MICU1: variants seen among roughly 807,000 people sequenced by gnomAD.
The protein encoded by MICU1 is mitochondrial calcium uptake 1, also known as calcium uptake protein 1, mitochondrial.
A neutral mutation model predicts 56.8 loss-of-function variants in MICU1; 45 were observed. The ratio of observed to expected loss-of-function variants is 0.79; its 90% CI spans 0.62 to 1.02. The LOEUF (loss-of-function observed/expected upper bound fraction) is 1.02, where lower values mean the gene tolerates loss of function less well. Among genes scored for constraint, MICU1 ranks in the 50% least tolerant of loss-of-function variants. The pLI is 0.00. For synonymous variants in MICU1, 186 were observed against 195.1 expected (o/e 0.95, Z 0.39); for missense variants, 504 against 587.1 (o/e 0.86, Z 1.46).
chr10:72,460,975 G>A (rs1346904644), intron 8 of MICU1, among the ~76,000 whole-genome samples: 1 of 151,922 alleles, frequency 6.6e-6, no homozygotes, highest in Non-Finnish European at 1.5e-5. Context: ...GGCTATAAGA[G>A]GGATAAAAAT....
chr10:72,512,241 A>G (rs1278701805), intron 5 of MICU1, among the ~76,000 whole-genome samples: 1 of 150,642 alleles, frequency 6.6e-6, no homozygotes, highest in Non-Finnish European at 1.5e-5. Context: ...CCTCCCAAGT[A>G]GCGGGATTAC....
intron 8 of MICU1, among the ~76,000 whole-genome samples, chr10:72,447,059 T>C (rs1554872105): frequency 6.6e-6 from 1 of 152,166 alleles, no homozygotes; most frequent in Non-Finnish European, 1.5e-5. Flanking sequence ...AGAAGAGAAA[T>C]AAAAGAGATG....
intron 8 of MICU1, among the ~76,000 whole-genome samples, chr10:72,467,344 C>A (rs1161158332): frequency 6.6e-6 from 1 of 152,130 alleles, no homozygotes; most frequent in East Asian, 1.9e-4. Context: ...CCACCACACC[C>A]GGCTGATTTC....
intron 1 of MICU1, among the ~76,000 whole-genome samples, chr10:72,614,671 G>A (rs3009533): frequency 0.63 from 95,321 of 152,060 alleles, 31,399 homozygotes; most frequent in African/African-American, 0.72. Flanking sequence ...TCCAAAAAAG[G>A]CAAATACTTT....
At chr10:72,587,086 G>C (rs1375162079) in intron 1 of MICU1, among the ~76,000 whole-genome samples, 2 of 152,140 alleles carry the variant, frequency 1.3e-5, no homozygotes, top group Non-Finnish European at 2.9e-5. Context: ...GTGAGCAAAG[G>C]CAGACTGAGA....
chr10:72,405,156 G>A lies in MICU1; in HGVS notation c.1180+2773C>T, dbSNP rs530737744. ...ACTCCTGATCTCAGGTGATCTGCCC[G>A]TCTCAGCCTCCTAAAGTGTTAGGAT... is the stretch of plus-strand genomic sequence containing the variant. On this transcript the variant is annotated intron_variant, in intron 10 of 11. Coordinates refer to ENST00000361114, the MANE Select transcript of MICU1 (RefSeq NM_001195518.2). 3.3e-5 allele frequency among the ~76,000 whole-genome samples: 5 copies of A among 152,160 alleles called. No individual in the cohort carries two copies. The South Asian group carries it at 6.2e-4, about 19-fold the overall frequency.
At chr10:72,601,401 G>A (rs1184633858) in intron 1 of MICU1, among the ~76,000 whole-genome samples, 1 of 120,440 alleles carries the variant, frequency 8.3e-6, no homozygotes, top group Non-Finnish European at 1.6e-5. Flanking sequence ...TCCAGCTTAA[G>A]AGTCAGAGCA....
chr10:72,485,048 G>A (rs1866422522), intron 6 of MICU1, among the ~76,000 whole-genome samples: 2 of 152,182 alleles, frequency 1.3e-5, no homozygotes, highest in South Asian at 4.1e-4. Flanking sequence ...TAAAATATTT[G>A]CTATCTGGCC....
At chr10:72,532,870 C>G in intron 5 of MICU1, 1 of 1,156,764 alleles carries the variant, frequency 8.6e-7, no homozygotes, top group Non-Finnish European at 1.1e-6. Context: ...GAGCTCAACA[C>G]TTATCTCTCC....
chr10:72,570,028 C>T (rs1197408309), intron 1 of MICU1, among the ~76,000 whole-genome samples: 1 of 152,192 alleles, frequency 6.6e-6, no homozygotes, highest in Admixed American at 6.5e-5. Context: ...TCACTGCAAC[C>T]TCTACCTCCT....
chr10:72,467,008 T>C (rs1404071008), intron 8 of MICU1, among the ~76,000 whole-genome samples: 1 of 152,160 alleles, frequency 6.6e-6, no homozygotes, highest in Non-Finnish European at 1.5e-5. Flanking sequence ...CTACTCTTTT[T>C]CTTTTTTTGA....
chr10:72,507,459 C>T (rs1381052613), intron 6 of MICU1, among the ~76,000 whole-genome samples: 1 of 152,086 alleles, frequency 6.6e-6, no homozygotes, highest in Non-Finnish European at 1.5e-5. Context: ...GGTTAAAAAA[C>T]AAATATTCAA....
At chr10:72,530,123 T>C (rs754760978) in intron 5 of MICU1, among the ~76,000 whole-genome samples, 9 of 149,440 alleles carry the variant, frequency 6.0e-5, no homozygotes, top group South Asian at 2.1e-4. Flanking sequence ...AGGTCAGGAG[T>C]TCAAGACCAG....
At chr10:72,411,021 T>C (rs193148798) in intron 9 of MICU1, among the ~76,000 whole-genome samples, 1 of 152,324 alleles carries the variant, frequency 6.6e-6, no homozygotes, top group East Asian at 1.9e-4. Flanking sequence ...CAATGGAATA[T>C]TGTTTAGCTT....
chr10:72,571,980 TAAAAC>T (rs1159486219), intron 1 of MICU1, among the ~76,000 whole-genome samples: 1 of 147,978 alleles, frequency 6.8e-6, no homozygotes, highest in Non-Finnish European at 1.5e-5. Flanking sequence ...AGAAATAAAT[TAAAAC>T]AATAACAACA....
At chr10:72,524,839 A>G (rs1867919746) in intron 5 of MICU1, 1 of 800,268 alleles carries the variant, frequency 1.2e-6, no homozygotes, top group Non-Finnish European at 1.7e-6. Context: ...CATAATATAC[A>G]AAGAAACAGT....
chr10:72,607,619 A>G (rs1410804105), intron 1 of MICU1, among the ~76,000 whole-genome samples: 1 of 150,788 alleles, frequency 6.6e-6, no homozygotes, highest in East Asian at 1.9e-4. Flanking sequence ...CCTGGGCAAC[A>G]AGAGCGAAAC....
chr10:72,435,385 CAAAAAA>C (rs34955776), intron 8 of MICU1, among the ~76,000 whole-genome samples: 2 of 48,080 alleles, frequency 4.2e-5, no homozygotes, highest in East Asian at 4.1e-4. Flanking sequence ...GACCCTGTTA[CAAAAAA>C]AAAAAAAAAA....
intron 1 of MICU1, among the ~76,000 whole-genome samples, chr10:72,576,335 G>C (rs1840745538): frequency 6.6e-6 from 1 of 150,874 alleles, no homozygotes; most frequent in South Asian, 2.1e-4. Flanking sequence ...CAAATGCAGA[G>C]GAAAAGTTCT....
Sources: allele counts gnomAD v4.1 joint callset (sites outside exome capture counted in the v4.1 genomes callset), GRCh38; gene constraint gnomAD v4.1.1; transcripts MANE v1.5; gene names NCBI Gene and HGNC (gene_info 2026-07-23, HGNC 2026-07-21).